The following BCAS4 variants were observed in gnomAD, a reference collection of about 807,000 sequenced individuals.
The protein encoded by BCAS4 is breast carcinoma amplified sequence 4.
Under a neutral mutation model 15.7 loss-of-function variants are expected in BCAS4, and 9 were observed. That is an observed-to-expected ratio of 0.57 (90% CI 0.34 to 1.00). The LOEUF is 1.00. BCAS4 is among the 50% of genes least tolerant of loss of function. The probability of loss-of-function intolerance (pLI) is 0.02; values close to 1 mark genes in which losing one functional copy is unlikely to be tolerated. For missense variants in BCAS4, 225 were observed against 239.1 expected (o/e 0.94, Z 0.39); for synonymous variants, 101 against 99.5 (o/e 1.02, Z -0.09).
intron 1 of BCAS4, among the ~76,000 whole-genome samples, chr20:50,800,722 C>T (rs564340722): frequency 9.9e-5 from 15 of 151,978 alleles, no homozygotes; most frequent in Non-Finnish European, 2.1e-4. Context: ...CTACCACGCC[C>T]GGCTAATTTT....
intron 4 of BCAS4, among the ~76,000 whole-genome samples, chr20:50,873,055 G>T (rs1979734049): frequency 6.6e-6 from 1 of 152,228 alleles, no homozygotes; most frequent in Non-Finnish European, 1.5e-5. Flanking sequence ...TTGTCCAAAT[G>T]CAGGGATGAC....
intron 1 of BCAS4, among the ~76,000 whole-genome samples, chr20:50,806,484 G>T (rs939748685): frequency 6.6e-6 from 1 of 152,150 alleles, no homozygotes; most frequent in Non-Finnish European, 1.5e-5. Flanking sequence ...TCAAGCATCT[G>T]CCATTTCATA....
chr20:50,838,582 C>T (rs1600874737), intron 3 of BCAS4, among the ~76,000 whole-genome samples: 1 of 152,114 alleles, frequency 6.6e-6, no homozygotes, highest in Non-Finnish European at 1.5e-5. Context: ...TAGTGCCTCA[C>T]ACCTGTAATC....
intron 4 of BCAS4, among the ~76,000 whole-genome samples, chr20:50,852,994 G>T (rs918615673): frequency 6.6e-6 from 1 of 152,160 alleles, no homozygotes; most frequent in Non-Finnish European, 1.5e-5. Context: ...GGTTCTGGGT[G>T]AGTGCCAAGG....
rs959276891 is a variant in BCAS4, at chr20:50,851,367, G to A, written c.399+9467G>A. On this transcript the variant is annotated intron_variant, in intron 4 of 4. Coordinates refer to ENST00000371608, the MANE Select transcript of BCAS4 (RefSeq NM_198799.4). The surrounding 1 kb of genome is among the most constrained non-coding windows in gnomAD (Gnocchi z 4.3). The stretch of plus-strand genomic sequence containing the variant: ...CCCCACCTACCAGCCCCCTCCCCAC[G>A]GCTCCCAGGGACCTCCCGGGTTCGT... Among the ~76,000 whole-genome samples, 2 of 152,108 alleles carry A rather than the reference G, an allele frequency of 1.3e-5. No individual in the cohort carries two copies. The highest frequency in any genetic ancestry group is 2.4e-5 in the African/African-American group (1 of 41,436).
intron 4 of BCAS4, chr20:50,875,901 C>T (rs1979909760): frequency 2.2e-6 from 1 of 455,266 alleles, no homozygotes; most frequent in African/African-American, 2.0e-5. Flanking sequence ...CTACCCTTCT[C>T]ACCTTGCTTT....
intron 4 of BCAS4, among the ~76,000 whole-genome samples, chr20:50,845,528 C>T (rs1370944333): frequency 3.3e-5 from 5 of 152,162 alleles, no homozygotes; most frequent in African/African-American, 7.2e-5. Flanking sequence ...TTCCAATGCC[C>T]GGCATAGGTC....
chr20:50,795,250 C>T (rs1383663341), intron 1 of BCAS4, 77 bp downstream of exon 1: 17 of 1,225,948 alleles, frequency 1.4e-5, no homozygotes, highest in Non-Finnish European at 1.8e-5. Context: ...TCGGCTTCCC[C>T]GGAGCATCCT....
intron 3 of BCAS4, among the ~76,000 whole-genome samples, chr20:50,835,981 G>A (rs2088404183): frequency 6.6e-6 from 1 of 150,924 alleles, no homozygotes; most frequent in South Asian, 2.1e-4. Flanking sequence ...GCAATGGCGC[G>A]ATCTCGGCTC....
At chr20:50,809,171 G>T (rs2088030525) in intron 1 of BCAS4, among the ~76,000 whole-genome samples, 1 of 151,634 alleles carries the variant, frequency 6.6e-6, no homozygotes, top group Non-Finnish European at 1.5e-5. Flanking sequence ...CTGGGTCTCT[G>T]TTCTGTTCCA....
intron 2 of BCAS4, among the ~76,000 whole-genome samples, chr20:50,821,468 T>C (rs900644088): frequency 2.6e-5 from 4 of 152,218 alleles, no homozygotes; most frequent in African/African-American, 9.6e-5. Flanking sequence ...ATGTCTGCTG[T>C]GTGCTGTGGG....
chr20:50,845,612 C>T (rs6020789), intron 4 of BCAS4, among the ~76,000 whole-genome samples: 56,967 of 152,096 alleles, frequency 0.37, 14,927 homozygotes, highest in African/African-American at 0.75. Context: ...ACCCCACTGC[C>T]CCCCTGAGGC....
intron 4 of BCAS4, among the ~76,000 whole-genome samples, chr20:50,868,975 A>G (rs8121702): frequency 0.45 from 68,231 of 152,130 alleles, 18,351 homozygotes; most frequent in African/African-American, 0.77. Flanking sequence ...CCTGGCTGCT[A>G]TTCTGCCATC....
chr20:50,800,780 T>C (rs1296479093), intron 1 of BCAS4, among the ~76,000 whole-genome samples: 1 of 152,086 alleles, frequency 6.6e-6, no homozygotes, highest in East Asian at 1.9e-4. Flanking sequence ...CAGGCTGCTC[T>C]CGAACCTGTG....
chr20:50,875,923 T>C (rs1223585067), intron 4 of BCAS4: 1 of 456,066 alleles, frequency 2.2e-6, no homozygotes, highest in African/African-American at 2.0e-5. Context: ...TTAGTCCTCC[T>C]CTGCCAGAAC....
At chr20:50,867,601 TC>T (rs1410922605) in intron 4 of BCAS4, among the ~76,000 whole-genome samples, 1 of 152,096 alleles carries the variant, frequency 6.6e-6, no homozygotes, top group Admixed American at 6.5e-5. Flanking sequence ...CAAGGGATCC[TC>T]CTGCCTTGGC....
At chr20:50,867,182 A>G (rs1221873744) in intron 4 of BCAS4, among the ~76,000 whole-genome samples, 1 of 152,002 alleles carries the variant, frequency 6.6e-6, no homozygotes, top group East Asian at 1.9e-4. Context: ...CACATTATGA[A>G]CTCAAGTCCA....
upstream of BCAS4, chr20:50,794,923 C>A (rs902234563): frequency 1.2e-5 from 13 of 1,068,106 alleles, no homozygotes; most frequent in African/African-American, 2.0e-4. Context: ...CTCGGCCCGG[C>A]GCTCCTGGAG....
intron 3 of BCAS4, 25 bp downstream of exon 3, chr20:50,830,405 TG>T (rs746871125): frequency 2.9e-4 from 465 of 1,585,086 alleles, no homozygotes; most frequent in Non-Finnish European, 3.9e-4. Flanking sequence ...ACGAAGGTTC[TG>T]AGGCTGTGGA....
Sources: gnomAD v4.1 joint callset for allele counts (sites outside exome capture counted in the v4.1 genomes callset) on GRCh38, gnomAD v4.1.1 for gene constraint, Gnocchi (gnomAD v3.1) non-coding constraint, MANE v1.5 for transcripts, NCBI Gene and HGNC (gene_info 2026-07-23, HGNC 2026-07-21) for gene names.